The following UHRF2 variants were observed in gnomAD, a reference collection of about 807,000 sequenced individuals.
The protein encoded by UHRF2 is E3 ubiquitin-protein ligase UHRF2.
In UHRF2, 23 loss-of-function variants were observed where a neutral mutation model predicts 96.8. That is an observed-to-expected ratio of 0.24 (90% CI 0.17 to 0.34). UHRF2 has a LOEUF of 0.34. Ranked by LOEUF, UHRF2 falls within the 10% of genes least tolerant of loss-of-function variation. The pLI is 1.00. For synonymous variants in UHRF2, 385 were observed against 332.6 expected, an observed-to-expected ratio of 1.16 and a Z score of -1.72; for missense variants, 685 against 981.5, an observed-to-expected ratio of 0.70 and a Z score of 4.04.
chr9:6,421,561 C>T (rs567906543), intron 2 of UHRF2, among the ~76,000 whole-genome samples: 54 of 152,220 alleles, frequency 3.5e-4, no homozygotes, highest in Middle Eastern at 6.8e-3. Context: ...GGATTACAGA[C>T]GTGCACCACC....
intron 4 of UHRF2, among the ~76,000 whole-genome samples, chr9:6,461,352 TC>T (rs61371978): frequency 0.06 from 4,390 of 72,584 alleles, 163 homozygotes; most frequent in African/African-American, 0.082. Flanking sequence ...CCTCTCTCTC[TC>T]CCCCCCCTCC....
At chr9:6,487,407 C>T (rs892280190) in intron 9 of UHRF2, among the ~76,000 whole-genome samples, 1 of 151,882 alleles carries the variant, frequency 6.6e-6, no homozygotes, top group Non-Finnish European at 1.5e-5. Context: ...ACTCTTGTCA[C>T]CTAGACTGGA....
At chr9:6,460,864 G>C in intron 4 of UHRF2, 73 bp downstream of exon 4, 3 of 1,188,966 alleles carry the variant, frequency 2.5e-6, no homozygotes, top group Non-Finnish European at 3.5e-6. Flanking sequence ...TATTAAGCAC[G>C]TGTACCTTAG....
chr9:6,456,019 C>A (rs543844305), intron 3 of UHRF2, among the ~76,000 whole-genome samples: 7 of 152,146 alleles, frequency 4.6e-5, no homozygotes, highest in African/African-American at 1.7e-4. Flanking sequence ...AATTGAAGAA[C>A]CTTATAAAGC....
chr9:6,467,392 A>G (rs1433721734), intron 4 of UHRF2, among the ~76,000 whole-genome samples: 2 of 151,972 alleles, frequency 1.3e-5, no homozygotes, highest in East Asian at 3.8e-4. Flanking sequence ...TTATATGCAA[A>G]GTCTTTTTTG....
chr9:6,431,134 G>C (rs958403202), intron 2 of UHRF2, among the ~76,000 whole-genome samples: 1 of 152,142 alleles, frequency 6.6e-6, no homozygotes, highest in African/African-American at 2.4e-5. Flanking sequence ...TTATAACACA[G>C]CTTTAACATC....
chr9:6,464,754 C>T (rs1822759811), intron 4 of UHRF2, among the ~76,000 whole-genome samples: 1 of 152,064 alleles, frequency 6.6e-6, no homozygotes, highest in African/African-American at 2.4e-5. Context: ...TATTCTGTAC[C>T]ATGGGTCTGT....
chr9:6,456,432 G>A (rs1453272926), intron 3 of UHRF2, among the ~76,000 whole-genome samples: 1 of 152,006 alleles, frequency 6.6e-6, no homozygotes, highest in East Asian at 1.9e-4. Context: ...CTGGATATTA[G>A]CCCTTTGTCA....
chr9:6,498,606 C>G (rs1377765843), intron 12 of UHRF2: 2 of 154,746 alleles, frequency 1.3e-5, no homozygotes, highest in African/African-American at 4.8e-5. Flanking sequence ...TCTTCCCCCG[C>G]AAAGCTGCTT....
In UHRF2 at chr9:6,506,391, A is replaced by G. The variant is rs564407937; in HGVS notation, c.*212A>G. 5 of 480,756 alleles carry G rather than the reference A, an allele frequency of 1.0e-5. No individual in the cohort carries two copies. The East Asian group carries it at 1.9e-4, about 18-fold the overall frequency. 29.8% of individuals were successfully genotyped at this position (480,756 alleles called of 1,614,324 possible). A position where few individuals can be genotyped will look rare whatever the true frequency, so the allele number is the denominator to read the frequency against. On this transcript the variant is annotated 3_prime_UTR_variant, in exon 16 of 16. Coordinates refer to ENST00000276893, the MANE Select transcript of UHRF2 (RefSeq NM_152896.3). ...TCTAAAGGTAGTTCCTGTAACAACT[A>G]GTTTTAATGAGTAAAAAGTCAAAGC...
intron 6 of UHRF2, 45 bp from the exon 7 acceptor site, chr9:6,481,598 A>C (rs962964732): frequency 6.3e-7 from 1 of 1,596,762 alleles, no homozygotes; most frequent in Non-Finnish European, 8.5e-7. Flanking sequence ...ACTAGCTTTA[A>C]TATGGTATTG....
intron 3 of UHRF2, among the ~76,000 whole-genome samples, chr9:6,442,953 G>C (rs1821264816): frequency 6.6e-6 from 1 of 152,128 alleles, no homozygotes; most frequent in Non-Finnish European, 1.5e-5. Flanking sequence ...AACTATTCTT[G>C]TTAGTGACTT....
intron 10 of UHRF2, 124 bp from the exon 11 acceptor site, chr9:6,497,074 T>G (rs1825014256): frequency 1.1e-6 from 1 of 887,906 alleles, no homozygotes. Context: ...TGGAATAATA[T>G]GGAAAGAATC....
intron 4 of UHRF2, among the ~76,000 whole-genome samples, chr9:6,463,719 C>T (rs1822696989): frequency 6.6e-6 from 1 of 152,090 alleles, no homozygotes; most frequent in African/African-American, 2.4e-5. Flanking sequence ...TATCTGCCTG[C>T]CTCAGTCTCC....
At chr9:6,442,357 T>G (rs1048912882) in intron 3 of UHRF2, among the ~76,000 whole-genome samples, 9 of 152,246 alleles carry the variant, frequency 5.9e-5, no homozygotes, top group African/African-American at 2.2e-4. Flanking sequence ...TTGAAATGTT[T>G]CCAGTGGATG....
intron 14 of UHRF2, 112 bp from the exon 15 acceptor site, chr9:6,504,481 G>T: frequency 1.6e-6 from 1 of 631,074 alleles, no homozygotes; most frequent in Non-Finnish European, 2.7e-6. Flanking sequence ...TTTTATGCTG[G>T]GAACATTTGA....
At chr9:6,427,365 A>G (rs1470781450) in intron 2 of UHRF2, among the ~76,000 whole-genome samples, 2 of 152,214 alleles carry the variant, frequency 1.3e-5, no homozygotes, top group Non-Finnish European at 2.9e-5. Context: ...CAAAACTGGC[A>G]TAGGTAAACA....
chr9:6,432,409 T>TA (rs914270347), intron 2 of UHRF2, among the ~76,000 whole-genome samples: 19 of 152,224 alleles, frequency 1.2e-4, no homozygotes, highest in African/African-American at 4.3e-4. Context: ...GTTCCTCACT[T>TA]ACCTTTGAAG....
In UHRF2 at chr9:6,421,107, G is replaced by A. The variant is rs201394385; in HGVS notation, c.349G>A (p.Ala117Thr). 2 of 1,613,904 alleles carry A rather than the reference G, an allele frequency of 1.2e-6. No homozygotes were observed. The highest frequency in any genetic ancestry group is 1.7e-6 in the Non-Finnish European group (2 of 1,180,002). Residue 117 changes from alanine (A) to threonine (T), a missense_variant, in exon 2 of 16, where the codon GCC becomes ACC. Coordinates refer to ENST00000276893, the MANE Select transcript of UHRF2 (RefSeq NM_152896.3). ...CAATCAGCCATCTACATCAGCTCGT[G>A]CCCGTCTTATTGATCCTGGCTTTGG... ...PSNQPSTSAR[A>T]RLIDPGFGIY...
Sources: allele counts gnomAD v4.1 joint callset (sites outside exome capture counted in the v4.1 genomes callset), GRCh38; gene constraint gnomAD v4.1.1; transcripts MANE v1.5; gene names NCBI Gene and HGNC (gene_info 2026-07-23, HGNC 2026-07-21).